Variants in TSHZ2 observed in about 807,000 individuals in gnomAD.
TSHZ2 encodes teashirt homolog 2.
In TSHZ2, 21 loss-of-function variants were observed where a neutral mutation model predicts 74.4. The ratio of observed to expected loss-of-function variants is 0.28; its 90% CI spans 0.20 to 0.41. TSHZ2 has a LOEUF of 0.41. Ranked by LOEUF, TSHZ2 falls within the 10% of genes least tolerant of loss-of-function variation. TSHZ2 has a pLI of 1.00. For synonymous variants in TSHZ2, 540 were observed against 515.3 expected, an observed-to-expected ratio of 1.05 and a Z score of -0.65; for missense variants, 1,244 against 1,293.5, an observed-to-expected ratio of 0.96 and a Z score of 0.59.
chr20:53,459,047 G>T (rs1402289035), intron 2 of TSHZ2, among the ~76,000 whole-genome samples: 1 of 152,176 alleles, frequency 6.6e-6, no homozygotes, highest in African/African-American at 2.4e-5. Context: ...CTGTTGATTT[G>T]GGGTGGAGAG....
rs2145869802 is a variant in TSHZ2, at chr20:53,490,657, G to GTTGT, written c.*3526_*3529dup. 6.6e-6 allele frequency: 1 copy of GTTGT among 152,316 alleles called. No homozygotes were observed. The highest frequency in any genetic ancestry group is 2.1e-4 in the South Asian group (1 of 4,826). The allele number at this position is 152,316 out of a possible 1,614,324, so 9.4% of individuals were successfully genotyped here. A position where few individuals can be genotyped will look rare whatever the true frequency, so the allele number is the denominator to read the frequency against. On this transcript the variant is annotated 3_prime_UTR_variant, in exon 3 of 3. Coordinates refer to ENST00000371497, the MANE Select transcript of TSHZ2 (RefSeq NM_173485.6). ...CTCACCCCCAAAATGTGCCTGCTTG[G>GTTGT]TTGTTTGAATCTTGCATAATTAATG...
intron 1 of TSHZ2, among the ~76,000 whole-genome samples, chr20:53,211,968 G>A (rs1179579659): frequency 1.3e-5 from 2 of 152,142 alleles, no homozygotes; most frequent in Non-Finnish European, 2.9e-5. Context: ...AGGGGTCCAT[G>A]AAGACAAAAC....
chr20:53,325,322 T>G (rs992298136), intron 2 of TSHZ2, among the ~76,000 whole-genome samples: 1 of 152,224 alleles, frequency 6.6e-6, no homozygotes, highest in Non-Finnish European at 1.5e-5. Context: ...ACAGGGACTT[T>G]CCCTGAAAAT....
In TSHZ2 at chr20:53,489,570, A is replaced by C. The variant is rs773075530; in HGVS notation, c.*2435A>C. 2 of 162,366 alleles carry C rather than the reference A, an allele frequency of 1.2e-5. No individual in the cohort carries two copies. Among genetic ancestry groups the C allele is most frequent in the Non-Finnish European group, 2.7e-5 (2 of 74,118 alleles). The allele number at this position is 162,366 out of a possible 1,614,324, so 10.1% of individuals were successfully genotyped here. A position where few individuals can be genotyped will look rare whatever the true frequency, so the allele number is the denominator to read the frequency against. Reference sequence around the variant, plus strand: ...GGGGAGGAGATCAATACAATTCCCAATTCCATGGAAATTGTTTCCCTTCTA... The same window carrying C: ...GGGGAGGAGATCAATACAATTCCCACTTCCATGGAAATTGTTTCCCTTCTA... On this transcript the variant is annotated 3_prime_UTR_variant, in exon 3 of 3. Transcript: ENST00000371497.
intron 1 of TSHZ2, among the ~76,000 whole-genome samples, chr20:53,050,305 T>C (rs1984415892): frequency 6.6e-6 from 1 of 151,804 alleles, no homozygotes; most frequent in Admixed American, 6.6e-5. Flanking sequence ...CTCTCACTGT[T>C]GCTAACCAAA....
intron 1 of TSHZ2, among the ~76,000 whole-genome samples, chr20:53,194,551 C>T (rs1238103613): frequency 6.6e-6 from 1 of 152,166 alleles, no homozygotes; most frequent in Non-Finnish European, 1.5e-5. Flanking sequence ...TAAATCATAC[C>T]GAAGGGTTGT....
Position 53,254,091 on chromosome 20 carries a change from G to A in TSHZ2, c.633G>A (p.Gly211=), listed in dbSNP as rs1422694981. 2.5e-6 allele frequency: 4 copies of A among 1,613,970 alleles called. No individual in the cohort carries two copies. Among genetic ancestry groups the A allele is most frequent in the East Asian group, 2.2e-5 (1 of 44,880 alleles). Residue 211 remains glycine (G), a synonymous_variant, in exon 2 of 3, where the codon GGG becomes GGA. Coordinates refer to ENST00000371497, the MANE Select transcript of TSHZ2 (RefSeq NM_173485.6). ...AGATGTGCGGGACTGTGTTCACAGG[G>A]GCCAGCAGATTCCGATGCCGACAGT... ...SSKMCGTVFT[G]ASRFRCRQCS...
At chr20:53,027,574 G>A (rs1568726039) in intron 1 of TSHZ2, among the ~76,000 whole-genome samples, 1 of 152,080 alleles carries the variant, frequency 6.6e-6, no homozygotes, top group Non-Finnish European at 1.5e-5. Flanking sequence ...GGTAAAAGAC[G>A]CTGCGTTCAA....
At chr20:53,120,537 CAAAA>C (rs149170756) in intron 1 of TSHZ2, among the ~76,000 whole-genome samples, 283 of 151,808 alleles carry the variant, frequency 1.9e-3, no homozygotes, top group Non-Finnish European at 3.3e-3. Context: ...TTTTAGAACA[CAAAA>C]AAAGGTAACT....
intron 2 of TSHZ2, among the ~76,000 whole-genome samples, chr20:53,441,250 ATTTT>A (rs1984308077): frequency 1.4e-5 from 2 of 146,114 alleles, no homozygotes; most frequent in African/African-American, 5.1e-5. Context: ...ATTTTATTTT[ATTTT>A]ATTTTATTTT....
chr20:52,984,548 A>G (rs1981682463), intron 1 of TSHZ2, among the ~76,000 whole-genome samples: 1 of 152,110 alleles, frequency 6.6e-6, no homozygotes, highest in South Asian at 2.1e-4. Flanking sequence ...GCAGCTGGGA[A>G]ACTGGGTGGC....
intron 1 of TSHZ2, among the ~76,000 whole-genome samples, chr20:53,082,793 A>C (rs1985577975): frequency 6.6e-6 from 1 of 152,250 alleles, no homozygotes; most frequent in South Asian, 2.1e-4. Context: ...ATGAAATCAC[A>C]AAGTCCGTTA....
rs1990430001 is a variant in TSHZ2 at position 53,254,896 on chromosome 20, A to G, written c.1438A>G (p.Lys480Glu). 1 of 1,614,168 alleles carries G rather than the reference A, an allele frequency of 6.2e-7. No homozygotes were observed. Among genetic ancestry groups the G allele is most frequent in the Non-Finnish European group, 8.5e-7 (1 of 1,180,036 alleles). Reference sequence around the variant, plus strand: ...AACCAGCAAGGATGAGAAAGTCGTGAAAAGCGAGGACTATGAAGATCCTCT... The same window carrying G: ...AACCAGCAAGGATGAGAAAGTCGTGGAAAGCGAGGACTATGAAGATCCTCT... ...EETSKDEKVV[K>E]SEDYEDPLQK... is the part of the protein sequence containing the mutation. Residue 480 changes from lysine to glutamate, a missense_variant, in exon 2 of 3, where the codon AAA (lysine) becomes GAA (glutamate). By Grantham distance (56) the Lys-to-Glu change is moderately conservative. Transcript: ENST00000371497.
At chr20:53,137,066 G>A (rs1205182825) in intron 1 of TSHZ2, among the ~76,000 whole-genome samples, 1 of 152,130 alleles carries the variant, frequency 6.6e-6, no homozygotes, top group African/African-American at 2.4e-5. Context: ...GTGTGGGGAT[G>A]GCGCTTGGGT....
Position 53,229,207 on chromosome 20 carries a change from A to T in TSHZ2, c.41-24292A>T, listed in dbSNP as rs1989760717. Among the ~76,000 whole-genome samples the T allele has an allele frequency of 2.0e-5, 3 of 151,210 alleles. 1 individual carries two copies. In the South Asian group the frequency reaches 6.2e-4, roughly 31 times the overall value. On this transcript the variant is annotated intron_variant, in intron 1 of 2. Transcript: ENST00000371497. Reference sequence around the variant, plus strand: ...CAGTAAATTGTAATGAATGAGCCCCAAAGTGACTTCCATCAATTTTTTCTT... The same window carrying T: ...CAGTAAATTGTAATGAATGAGCCCCTAAGTGACTTCCATCAATTTTTTCTT...
At chr20:53,452,300 C>T (rs1264676331) in intron 2 of TSHZ2, among the ~76,000 whole-genome samples, 2 of 152,144 alleles carry the variant, frequency 1.3e-5, no homozygotes, top group Non-Finnish European at 2.9e-5. Context: ...TCTCTTATTA[C>T]CTACAAGAAC....
chr20:53,483,589 G>GT (rs1323051896), intron 2 of TSHZ2, among the ~76,000 whole-genome samples: 3 of 152,104 alleles, frequency 2.0e-5, no homozygotes, highest in Non-Finnish European at 4.4e-5. Flanking sequence ...TGTCATGAAG[G>GT]TATTTTTCAG....
intron 2 of TSHZ2, among the ~76,000 whole-genome samples, chr20:53,426,427 T>C (rs1042889917): frequency 2.6e-5 from 4 of 152,208 alleles, no homozygotes; most frequent in African/African-American, 4.8e-5. Context: ...CTATGGCTTA[T>C]GTTTTTACAG....
intron 1 of TSHZ2, among the ~76,000 whole-genome samples, chr20:53,248,601 A>G (rs1487144815): frequency 6.6e-6 from 1 of 152,210 alleles, no homozygotes; most frequent in East Asian, 1.9e-4. Flanking sequence ...CAGCTAATGG[A>G]CTTTATCCAT....
Sources: gnomAD v4.1 joint callset for allele counts (sites outside exome capture counted in the v4.1 genomes callset) on GRCh38, gnomAD v4.1.1 for gene constraint, MANE v1.5 for transcripts, NCBI Gene and HGNC (gene_info 2026-07-23, HGNC 2026-07-21) for gene names.